Variants in OPHN1 observed in about 807,000 individuals in gnomAD.
OPHN1 encodes oligophrenin-1.
Under a neutral mutation model 60.7 loss-of-function variants are expected in OPHN1, and 11 were observed. That is an observed-to-expected ratio of 0.18 (90% confidence interval 0.11 to 0.30). OPHN1 has a LOEUF of 0.30. Among genes scored for constraint, OPHN1 ranks in the 10% least tolerant of loss-of-function variants. The probability of loss-of-function intolerance (pLI) is 1.00; values close to 1 mark genes in which losing one functional copy is unlikely to be tolerated. For missense variants in OPHN1, 449 were observed against 611.0 expected (o/e 0.73, Z 2.80); for synonymous variants, 226 against 222.6 (o/e 1.02, Z -0.14).
chrX:68,073,376 T>A, intron 19 of OPHN1, 77 bp from the exon 20 acceptor site: 1 of 923,946 alleles, frequency 1.1e-6, no homozygotes, highest in Non-Finnish European at 1.5e-6. Flanking sequence ...CACCAGTTGA[T>A]GCTTGTTGGC....
chrX:68,099,852 C>A (rs1031647088), intron 18 of OPHN1, among the ~76,000 whole-genome samples: 1 of 111,977 alleles, frequency 8.9e-6, no homozygotes, highest in African/African-American at 3.2e-5. Flanking sequence ...TATTTCTGGT[C>A]TGGACCTTGT....
chrX:68,142,972 C>A (rs2077249686), intron 15 of OPHN1, among the ~76,000 whole-genome samples: 1 of 111,375 alleles, frequency 9.0e-6, no homozygotes, highest in Admixed American at 9.6e-5. Context: ...TTATTTGTAG[C>A]CTCTTATCTT....
chrX:68,097,312 A>G (rs1317549167), intron 18 of OPHN1, among the ~76,000 whole-genome samples: 1 of 111,363 alleles, frequency 9.0e-6, no homozygotes, highest in African/African-American at 3.3e-5. Flanking sequence ...AGCTAGTGGG[A>G]TACTATTTGG....
intron 15 of OPHN1, among the ~76,000 whole-genome samples, chrX:68,129,837 A>T (rs1030203431): frequency 8.9e-6 from 1 of 112,379 alleles, no homozygotes; most frequent in Non-Finnish European, 1.9e-5. Flanking sequence ...AAAACAAGTG[A>T]CTAACAGAAA....
chrX:68,301,305 C>A (rs2078118809), intron 2 of OPHN1, among the ~76,000 whole-genome samples: 1 of 108,690 alleles, frequency 9.2e-6, no homozygotes, highest in Non-Finnish European at 1.9e-5. Context: ...AATTAGCCAG[C>A]TGTGGTGGTG....
chrX:68,166,002 G>C (rs57285848), intron 15 of OPHN1, among the ~76,000 whole-genome samples: 5,866 of 111,853 alleles, frequency 0.052, 389 homozygotes, highest in African/African-American at 0.18. Flanking sequence ...ATGAACAACT[G>C]CAAAAAGATG....
At chrX:68,408,211 A>T (rs969935707) in intron 2 of OPHN1, among the ~76,000 whole-genome samples, 4 of 112,730 alleles carry the variant, frequency 3.5e-5, no homozygotes, top group African/African-American at 1.3e-4. Flanking sequence ...ATGTAGGACT[A>T]TTGAACTCTA....
At chrX:68,365,562 T>C (rs919554077) in intron 2 of OPHN1, among the ~76,000 whole-genome samples, 3 of 111,644 alleles carry the variant, frequency 2.7e-5, no homozygotes, top group Admixed American at 1.9e-4. Flanking sequence ...CTCGAGAGAA[T>C]TACAGCATCC....
At chrX:68,252,836 C>T (rs2077842720) in intron 5 of OPHN1, among the ~76,000 whole-genome samples, 2 of 111,053 alleles carry the variant, frequency 1.8e-5, no homozygotes. Context: ...ATCTCACACA[C>T]ACAGAGGCTA....
intron 5 of OPHN1, among the ~76,000 whole-genome samples, chrX:68,254,004 A>G (rs1469114404): frequency 9.0e-6 from 1 of 111,570 alleles, no homozygotes; most frequent in Non-Finnish European, 1.9e-5. Context: ...ATCTTGTCTC[A>G]CTGCTGCCCA....
intron 2 of OPHN1, among the ~76,000 whole-genome samples, chrX:68,377,088 T>G (rs1415435715): frequency 1.0e-5 from 1 of 98,204 alleles, no homozygotes; most frequent in African/African-American, 4.0e-5. Context: ...CGCCAACACA[T>G]GCAGCTAATT....
intron 5 of OPHN1, among the ~76,000 whole-genome samples, chrX:68,254,739 G>A (rs780740250): frequency 9.0e-6 from 1 of 110,742 alleles, no homozygotes; most frequent in East Asian, 2.9e-4. Context: ...CTTTATGGCT[G>A]GGCATGGTGG....
chrX:68,378,923 T>C (rs1228480263), intron 2 of OPHN1, among the ~76,000 whole-genome samples: 1 of 111,414 alleles, frequency 9.0e-6, no homozygotes, highest in Non-Finnish European at 1.9e-5. Flanking sequence ...CGGGCTCTTT[T>C]TTGGTTCCAT....
chrX:68,113,919 C>T (rs2077115944), intron 16 of OPHN1, among the ~76,000 whole-genome samples: 1 of 103,386 alleles, frequency 9.7e-6, no homozygotes, highest in Non-Finnish European at 2.0e-5. Flanking sequence ...ACATATGTAA[C>T]TAACCTGCAC....
At chrX:68,094,586 T>C (rs1339931935) in intron 19 of OPHN1, among the ~76,000 whole-genome samples, 1 of 111,389 alleles carries the variant, frequency 9.0e-6, no homozygotes, top group African/African-American at 3.3e-5. Context: ...TTTCTTTGAC[T>C]TCCTTCATAT....
At chrX:68,093,351 T>C (rs2077025591) in intron 19 of OPHN1, among the ~76,000 whole-genome samples, 1 of 112,012 alleles carries the variant, frequency 8.9e-6, no homozygotes, top group South Asian at 3.7e-4. Flanking sequence ...ATGTGTAAAA[T>C]GCTTTAAATA....
chrX:68,264,166 T>C (rs768985569), intron 5 of OPHN1, among the ~76,000 whole-genome samples: 85 of 111,386 alleles, frequency 7.6e-4, no homozygotes, highest in Non-Finnish European at 1.1e-3. Context: ...GAAGAAAACC[T>C]AGGCAATACC....
At chrX:68,296,697 A>T (rs1334388919) in intron 3 of OPHN1, among the ~76,000 whole-genome samples, 3 of 107,660 alleles carry the variant, frequency 2.8e-5, no homozygotes, top group Non-Finnish European at 5.8e-5. Context: ...GTGGTAGCTG[A>T]TGCCTGTAAT....
chrX:68,377,677 G>A (rs1221545659), intron 2 of OPHN1, among the ~76,000 whole-genome samples: 5 of 108,605 alleles, frequency 4.6e-5, no homozygotes, highest in East Asian at 5.9e-4. Context: ...GAGAATATGC[G>A]GTGTGCGGTT....
Sources: allele counts gnomAD v4.1 joint callset (sites outside exome capture counted in the v4.1 genomes callset), GRCh38; gene constraint gnomAD v4.1.1; transcripts MANE v1.5; gene names NCBI Gene and HGNC (gene_info 2026-07-23, HGNC 2026-07-21).